The following DGCR6L variants were observed in gnomAD, a reference collection of about 807,000 sequenced individuals.
The protein encoded by DGCR6L is protein DGCR6L.
Under a neutral mutation model 31.1 loss-of-function variants are expected in DGCR6L, and 24 were observed. That is an observed-to-expected ratio of 0.77 (90% confidence interval 0.56 to 1.08). DGCR6L has a LOEUF of 1.08. Among genes scored for constraint, DGCR6L ranks in the 50% least tolerant of loss-of-function variants. The pLI is 0.00. For synonymous variants in DGCR6L, 104 were observed against 126.1 expected (o/e 0.82, Z 1.17); for missense variants, 218 against 287.1 (o/e 0.76, Z 1.74).
chr22:20,320,007 C>G lies in DGCR6L; in HGVS notation c.-19G>C. 6.5e-7 allele frequency: 1 copy of G among 1,532,748 alleles called. No individual in the cohort carries two copies. The highest frequency in any genetic ancestry group is 1.2e-5 in the South Asian group (1 of 82,132). 94.9% of individuals were successfully genotyped at this position (1,532,748 alleles called of 1,614,324 possible). On this transcript the variant is annotated 5_prime_UTR_variant, in exon 1 of 5. Coordinates refer to ENST00000248879, the MANE Select transcript of DGCR6L (RefSeq NM_033257.4). ...GCTCCATGGCGCGGACGCCCGCTAG[C>G]CGCCGGCGGCGGCGACGAGCTCCCC...
In DGCR6L at chr22:20,314,573, A is replaced by G. The variant is rs1307404795; in HGVS notation, c.*102T>C. On this transcript the variant is annotated 3_prime_UTR_variant, in exon 5 of 5. Transcript: ENST00000248879. ...GAAGGGTGACAGGCAGCTGGGGTCCACCTGGTCTCTCCTCAGCAGGGGGAA... is the reference window on the plus strand; with the variant it reads ...GAAGGGTGACAGGCAGCTGGGGTCCGCCTGGTCTCTCCTCAGCAGGGGGAA... The G allele has an allele frequency of 1.8e-5, 25 of 1,426,364 alleles. No homozygotes were observed. The highest frequency in any genetic ancestry group is 2.2e-5 in the Non-Finnish European group (24 of 1,073,796). The allele number at this position is 1,426,364 out of a possible 1,614,324, so 88.4% of individuals were successfully genotyped here. A position where few individuals can be genotyped will look rare whatever the true frequency, so the allele number is the denominator to read the frequency against.
chr22:20,319,813 G>C lies in DGCR6L; in HGVS notation c.111-14C>G. ...TGCTGGAAAGAGCTGCGGGTAGGGG[G>C]GCGCGGTGAGCCCCGGCGGGAAACG... On this transcript the variant is annotated splice_polypyrimidine_tract_variant and intron_variant, in intron 1 of 4. Transcript: ENST00000248879. The C allele has an allele frequency of 6.2e-7, 1 of 1,604,992 alleles. No homozygotes were observed. The highest frequency in any genetic ancestry group is 1.1e-5 in the South Asian group (1 of 90,118).
chr22:20,314,978 C>T (rs1397453056), intron 4 of DGCR6L, 154 bp from the exon 5 acceptor site: 2 of 1,478,204 alleles, frequency 1.4e-6, no homozygotes, highest in South Asian at 2.4e-5. Flanking sequence ...GCTTCTGCCC[C>T]CAACAGGGCC....
intron 2 of DGCR6L, among the ~76,000 whole-genome samples, chr22:20,317,686 T>G (rs1403522606): frequency 6.6e-6 from 1 of 152,238 alleles, no homozygotes; most frequent in African/African-American, 2.4e-5. Flanking sequence ...AAGATGAGCC[T>G]GAACACATAC....
At position 20,315,477 on chromosome 22, in the gene DGCR6L, C is replaced by T. The variant is rs1197322515; in HGVS notation, c.373-1G>A. ...CCTCACGGATCCGGTGTTCCACGGC[C>T]TGCCATGGGGCCAGGGCGCGGAGGG... On this transcript the variant is annotated splice_acceptor_variant, in intron 3 of 4. Transcript: ENST00000248879. LOFTEE classifies it high-confidence loss of function. The T allele has an allele frequency of 4.3e-6, 7 of 1,613,180 alleles. No homozygotes were observed. The highest frequency in any genetic ancestry group is 5.9e-6 in the Non-Finnish European group (7 of 1,179,878).
intron 3 of DGCR6L, among the ~76,000 whole-genome samples, chr22:20,315,678 G>A (rs986844543): frequency 6.6e-6 from 1 of 152,196 alleles, no homozygotes; most frequent in Non-Finnish European, 1.5e-5. Flanking sequence ...GGGCTTCCAC[G>A]AATGCCCTGG....
chr22:20,316,631 CG>C (rs1483820774), intron 2 of DGCR6L, among the ~76,000 whole-genome samples: 1 of 152,218 alleles, frequency 6.6e-6, no homozygotes, highest in Non-Finnish European at 1.5e-5. Flanking sequence ...GCAGGAGGAG[CG>C]GGGTCGCTGA....
rs778546879 is a variant in DGCR6L at position 20,319,953 on chromosome 22, C to A, written c.36G>T (p.Ala12=). ...GTCGCTCCTGCTGCCGGGCACCGTC[C>A]GCCACCTCCTCCAAGGCGGCCGCGT... ...ERYAAALEEV[A]DGARQQERHY... Residue 12 remains alanine (A), a synonymous_variant, in exon 1 of 5, where the codon GCG becomes GCT. Coordinates refer to ENST00000248879, the MANE Select transcript of DGCR6L (RefSeq NM_033257.4). 1.2e-6 allele frequency: 2 copies of A among 1,607,244 alleles called. No individual in the cohort carries two copies. Among genetic ancestry groups the A allele is most frequent in the Non-Finnish European group, 1.7e-6 (2 of 1,178,056 alleles).
At chr22:20,317,971 G>A in intron 2 of DGCR6L, 1 of 279,146 alleles carries the variant, frequency 3.6e-6, no homozygotes, top group East Asian at 9.8e-5. Flanking sequence ...ATCCTATAAG[G>A]CTGGCAAAAA....
In DGCR6L at chr22:20,316,183, G is replaced by A. The variant is rs746058389; in HGVS notation, c.308C>T (p.Ala103Val). Residue 103 changes from alanine to valine, a missense_variant, in exon 3 of 5, where the codon GCC becomes GTC. Around this residue, in one of 4 missense-constraint regions of DGCR6L, gnomAD observed 78 missense variants for 90.0 expected, o/e 0.87. Transcript: ENST00000248879. ...GTTGTGGGGCCGGCAGGCCTGCTGG[G>A]CTTCCTGGTGCTTCTGCCGCAGCGC... ...RQALRQKHQEAQQACRPHNLP... is the reference protein window; with the variant it reads ...RQALRQKHQEVQQACRPHNLP... 291 of 1,608,792 alleles carry A rather than the reference G, an allele frequency of 1.8e-4. No homozygotes were observed. The highest frequency in any genetic ancestry group is 2.3e-4 in the Non-Finnish European group (274 of 1,178,986).
At chr22:20,317,022 T>C (rs2051576291) in intron 2 of DGCR6L, among the ~76,000 whole-genome samples, 1 of 152,098 alleles carries the variant, frequency 6.6e-6, no homozygotes, top group Non-Finnish European at 1.5e-5. Flanking sequence ...AAGTGCCAAA[T>C]GGCTACAGCT....
intron 3 of DGCR6L, 136 bp downstream of exon 3, chr22:20,315,983 C>A: frequency 1.9e-6 from 2 of 1,063,360 alleles, no homozygotes; most frequent in Non-Finnish European, 2.6e-6. Flanking sequence ...ACTCACTAGG[C>A]CTCCAGTGTC....
intron 4 of DGCR6L, 169 bp from the exon 5 acceptor site, chr22:20,314,993 G>T (rs777924963): frequency 7.0e-7 from 1 of 1,438,540 alleles, no homozygotes; most frequent in African/African-American, 1.4e-5. Context: ...AGGGCCACTC[G>T]GAATCTGAGC....
intron 2 of DGCR6L, among the ~76,000 whole-genome samples, chr22:20,316,629 A>G (rs1439916751): frequency 6.6e-6 from 1 of 152,206 alleles, no homozygotes; most frequent in Non-Finnish European, 1.5e-5. Context: ...GAGCAGGAGG[A>G]GCGGGGTCGC....
chr22:20,317,242 G>A (rs916917548), intron 2 of DGCR6L, among the ~76,000 whole-genome samples: 2 of 152,208 alleles, frequency 1.3e-5, no homozygotes, highest in Non-Finnish European at 2.9e-5. Flanking sequence ...ACACCTCGAC[G>A]ATGGTATTTA....
rs2051597099 is a variant in DGCR6L, at chr22:20,319,881, G to T, written c.108C>A (p.Pro36=). Reference sequence around the variant, plus strand: ...CTCCGCCCGCCCCGCCTGCGTACCTGGGCAACTCCTTCACCAGGCTCTGTA... The same window carrying T: ...CTCCGCCCGCCCCGCCTGCGTACCTTGGCAACTCCTTCACCAGGCTCTGTA... ...SALQSLVKEL[P]SSFQQRLSYT... Residue 36 remains proline (P), a splice_region_variant and synonymous_variant, in exon 1 of 5, where the codon CCC becomes CCA. Transcript: ENST00000248879. 1 of 1,609,570 alleles carries T rather than the reference G, an allele frequency of 6.2e-7. No homozygotes were observed. The highest frequency in any genetic ancestry group is 1.1e-5 in the South Asian group (1 of 90,530).
Position 20,314,798 on chromosome 22 carries a change from C to T in DGCR6L, c.540G>A (p.Leu180=). The change falls in exon 5 of 5, where the codon CTG becomes CTA. Residue 180 remains leucine, a synonymous_variant. Coordinates refer to ENST00000248879, the MANE Select transcript of DGCR6L (RefSeq NM_033257.4). ...PQELMLQMNL[L]ELIRKLQQRG... ...TCTGCTGCAGCTTTCGGATGAGTTC[C>T]AGCAGGTTCATCTGCAGCATCAGCT... 1.2e-6 allele frequency: 2 copies of T among 1,612,038 alleles called. No homozygotes were observed. The highest frequency in any genetic ancestry group is 1.7e-6 in the Non-Finnish European group (2 of 1,179,586).
intron 3 of DGCR6L, 23 bp downstream of exon 3, chr22:20,316,096 C>A (rs367630826): frequency 8.8e-6 from 14 of 1,587,778 alleles, no homozygotes; most frequent in Non-Finnish European, 1.1e-5. Context: ...CTGGGCCGGC[C>A]ACCCTGCCTG....
chr22:20,319,810 G>T lies in DGCR6L; in HGVS notation c.111-11C>A, dbSNP rs569826368. 2.0e-5 allele frequency: 32 copies of T among 1,605,956 alleles called. 1 individual carries two copies. In the Admixed American group the frequency reaches 2.4e-4, roughly 12 times the overall value. On this transcript the variant is annotated splice_polypyrimidine_tract_variant and intron_variant, in intron 1 of 4. Coordinates refer to ENST00000248879, the MANE Select transcript of DGCR6L (RefSeq NM_033257.4). The stretch of plus-strand genomic sequence containing the variant: ...CGCTGCTGGAAAGAGCTGCGGGTAG[G>T]GGGGCGCGGTGAGCCCCGGCGGGAA...
Sources: gnomAD v4.1 joint callset for allele counts (sites outside exome capture counted in the v4.1 genomes callset) on GRCh38, gnomAD v4.1.1 for gene constraint, gnomAD v4.1.1 regional missense constraint, MANE v1.5 for transcripts, NCBI Gene and HGNC (gene_info 2026-07-23, HGNC 2026-07-21) for gene names.